Variants in SLC28A1 observed in about 807,000 individuals in gnomAD.
The protein encoded by SLC28A1 is sodium/nucleoside cotransporter 1.
Under a neutral mutation model 74.8 loss-of-function variants are expected in SLC28A1, and 64 were observed. The ratio of observed to expected loss-of-function variants is 0.86; its 90% confidence interval spans 0.70 to 1.05. SLC28A1 has a LOEUF of 1.05. Ranked by LOEUF, SLC28A1 falls within the 50% of genes least tolerant of loss-of-function variation. The pLI is 0.00. For missense variants in SLC28A1, 828 were observed against 822.8 expected (o/e 1.01, Z -0.08); for synonymous variants, 359 against 335.0 (o/e 1.07, Z -0.78).
At position 84,895,686 on chromosome 15, in the gene SLC28A1, C is replaced by CATTTCT. The variant is rs1329806750; in HGVS notation, c.461+568_461+569insTATTTC. 4.3e-6 allele frequency: 6 copies of CATTTCT among 1,396,962 alleles called. No homozygotes were observed. In the Admixed American group the frequency reaches 1.8e-4, roughly 41 times the overall value. 86.5% of individuals were successfully genotyped at this position (1,396,962 alleles called of 1,614,324 possible). A position where few individuals can be genotyped will look rare whatever the true frequency, so the allele number is the denominator to read the frequency against. ...AATTCAGACTTCCCGCCCAGCCCAC[C>CATTTCT]ATTTCACCAGGCAGCTCTAAATTTA... On this transcript the variant is annotated intron_variant, in intron 6 of 18. Transcript: ENST00000394573.
intron 12 of SLC28A1, among the ~76,000 whole-genome samples, chr15:84,924,914 G>GT (rs1970304551): frequency 2.1e-5 from 3 of 141,126 alleles, no homozygotes; most frequent in Non-Finnish European, 3.1e-5. Context: ...TTGTTTGTTT[G>GT]TTTTTGAGAC....
intron 9 of SLC28A1, among the ~76,000 whole-genome samples, chr15:84,914,846 G>A (rs76919507): frequency 0.025 from 3,816 of 152,130 alleles, 159 homozygotes; most frequent in African/African-American, 0.088. Context: ...GAAAATTGGG[G>A]CCACCTCTTT....
chr15:84,896,434 G>C (rs1402669356), intron 6 of SLC28A1, among the ~76,000 whole-genome samples: 2 of 152,210 alleles, frequency 1.3e-5, no homozygotes, highest in African/African-American at 4.8e-5. Context: ...TAAGACAGAT[G>C]ATAACAAGTG....
the SLC28A1 span, chr15:84,961,690 C>T: frequency 1.5e-5 from 5 of 324,962 alleles, no homozygotes; most frequent in Admixed American, 4.1e-5. Context: ...GAGACTGTTA[C>T]GGCAGCATCA....
In SLC28A1 at chr15:84,886,688, G is replaced by A. The variant is rs1343395655; in HGVS notation, c.-116G>A. On this transcript the variant is annotated 5_prime_UTR_variant, in exon 2 of 19. The change abolishes the stop of an existing upstream ORF in the 5' untranslated region. Coordinates refer to ENST00000394573, the MANE Select transcript of SLC28A1 (RefSeq NM_004213.5). ...TCTGCCCAGGAATTTCTGCTGAAGT[G>A]ACAAGGCAAGCCAGAGCCAAAGCAG... The A allele has an allele frequency of 2.0e-6, 2 of 985,400 alleles. No individual in the cohort carries two copies. Among genetic ancestry groups the A allele is most frequent in the African/African-American group, 1.7e-5 (1 of 57,254 alleles). 61.0% of individuals were successfully genotyped at this position (985,400 alleles called of 1,614,324 possible).
At chr15:84,956,934 A>G in the SLC28A1 span, among the ~76,000 whole-genome samples, 1 of 152,196 alleles carries the variant, frequency 6.6e-6, no homozygotes, top group Non-Finnish European at 1.5e-5. Context: ...CATTGTTTGT[A>G]GGATGCATCT....
the SLC28A1 span, chr15:84,961,691 G>T: frequency 6.1e-6 from 2 of 326,390 alleles, no homozygotes; most frequent in South Asian, 2.3e-5. Flanking sequence ...AGACTGTTAC[G>T]GCAGCATCAT....
intron 8 of SLC28A1, among the ~76,000 whole-genome samples, chr15:84,907,591 G>A (rs1296918172): frequency 2.0e-5 from 3 of 152,010 alleles, no homozygotes; most frequent in Admixed American, 6.6e-5. Context: ...TTGCAGCCTC[G>A]ACCTCCTGGA....
intron 5 of SLC28A1, among the ~76,000 whole-genome samples, chr15:84,892,680 C>G (rs1308728322): frequency 6.6e-6 from 1 of 152,182 alleles, no homozygotes; most frequent in Non-Finnish European, 1.5e-5. Flanking sequence ...CCTGGGGAGG[C>G]TGTTCACAGA....
At chr15:84,938,481 G>T (rs146284872) in intron 15 of SLC28A1, 2 of 152,228 alleles carry the variant, frequency 1.3e-5, no homozygotes, top group Non-Finnish European at 2.9e-5. Flanking sequence ...AATCTTCTCC[G>T]TATCGTTCTG....
At chr15:84,890,357 G>A (rs1262243961) in intron 4 of SLC28A1, 86 bp from the exon 5 acceptor site, 31 of 984,558 alleles carry the variant, frequency 3.1e-5, no homozygotes, top group African/African-American at 6.4e-5. Context: ...CACTTTACTG[G>A]GGACATACCT....
downstream of SLC28A1, among the ~76,000 whole-genome samples, chr15:84,949,681 GA>G (rs2142088769): frequency 6.6e-6 from 1 of 151,384 alleles, no homozygotes; most frequent in South Asian, 2.1e-4. Flanking sequence ...AAAGTGCTTG[GA>G]TTACAGGTTT....
At chr15:84,926,801 G>A (rs1465909418) in intron 12 of SLC28A1, among the ~76,000 whole-genome samples, 1 of 92,340 alleles carries the variant, frequency 1.1e-5, no homozygotes, top group Non-Finnish European at 2.4e-5. Context: ...GGGGTGGGGG[G>A]AGGGGGGGGG....
intron 6 of SLC28A1, among the ~76,000 whole-genome samples, chr15:84,898,348 G>A (rs1460476112): frequency 6.6e-6 from 1 of 152,204 alleles, no homozygotes; most frequent in African/African-American, 2.4e-5. Context: ...GGAGGGCGAG[G>A]TGGGTAGATC....
chr15:84,893,248 G>A (rs549970058), intron 5 of SLC28A1, among the ~76,000 whole-genome samples: 9 of 152,136 alleles, frequency 5.9e-5, no homozygotes, highest in African/African-American at 1.9e-4. Flanking sequence ...GTCTTGTGAG[G>A]ATTCATTGTG....
chr15:84,924,084 C>G lies in SLC28A1; in HGVS notation c.1057C>G (p.Leu353Val). Residue 353 changes from leucine (L) to valine (V), a missense_variant, in exon 12 of 19, where the codon CTG becomes GTG. This residue lies in a region of SLC28A1 where 767 missense variants were observed against 753.5 expected (regional missense o/e 1.02). Transcript: ENST00000394573. Reference protein sequence around the residue: ...TGGYATIAGSLLGAYISFGID... With the variant: ...TGGYATIAGSVLGAYISFGID... ...AGGTTACGCCACCATTGCTGGCAGC[C>G]TGCTGGGTGCCTACATCTCCTTTGG... 1 of 1,613,768 alleles carries G rather than the reference C, an allele frequency of 6.2e-7. No individual in the cohort carries two copies.
At chr15:84,944,177 C>T (rs1243562821) in intron 16 of SLC28A1, among the ~76,000 whole-genome samples, 1 of 152,248 alleles carries the variant, frequency 6.6e-6, no homozygotes, top group Non-Finnish European at 1.5e-5. Flanking sequence ...CATTTCCAGT[C>T]CTGGCAGCTA....
At chr15:84,962,504 C>T in the SLC28A1 span, among the ~76,000 whole-genome samples, 1 of 152,100 alleles carries the variant, frequency 6.6e-6, no homozygotes, top group Non-Finnish European at 1.5e-5. Flanking sequence ...GTGACATGAT[C>T]AGGGCTCACT....
the SLC28A1 span, among the ~76,000 whole-genome samples, chr15:84,953,685 G>A: frequency 2.0e-5 from 3 of 152,296 alleles, no homozygotes; most frequent in African/African-American, 7.2e-5. Context: ...TCACACCACT[G>A]CACTCCAGCC....
Sources: allele counts gnomAD v4.1 joint callset (sites outside exome capture counted in the v4.1 genomes callset), GRCh38; gene constraint gnomAD v4.1.1; regional missense constraint gnomAD v4.1.1; transcripts MANE v1.5; gene names NCBI Gene and HGNC (gene_info 2026-07-23, HGNC 2026-07-21).